The following GPHN variants were observed in gnomAD, a reference collection of about 807,000 sequenced individuals.
GPHN encodes the protein gephyrin.
In GPHN, 17 loss-of-function variants were observed where a neutral mutation model predicts 95.5. That is an observed-to-expected ratio of 0.18 (90% CI 0.12 to 0.27). The LOEUF (loss-of-function observed/expected upper bound fraction) is 0.27, where lower values mean the gene tolerates loss of function less well. Among genes scored for constraint, GPHN ranks in the 10% least tolerant of loss-of-function variants. GPHN has a pLI of 1.00. For missense variants in GPHN, 660 were observed against 978.1 expected (o/e 0.67, Z 4.34); for synonymous variants, 320 against 322.5 (o/e 0.99, Z 0.08).
chr14:66,966,182 G>A (rs2069312523), intron 9 of GPHN, among the ~76,000 whole-genome samples: 1 of 152,042 alleles, frequency 6.6e-6, no homozygotes, highest in South Asian at 2.1e-4. Flanking sequence ...TCAAATTATA[G>A]TTTTTTCTCT....
intron 5 of GPHN, among the ~76,000 whole-genome samples, chr14:66,895,796 G>A (rs1319628304): frequency 6.6e-6 from 1 of 152,146 alleles, no homozygotes; most frequent in Non-Finnish European, 1.5e-5. Flanking sequence ...AATCATCTCA[G>A]ATGGAGAGTT....
chr14:67,143,525 G>A (rs2080629162), intron 18 of GPHN, 76 bp downstream of exon 18: 3 of 918,834 alleles, frequency 3.3e-6, no homozygotes, highest in Admixed American at 3.4e-5. Context: ...TGGTCTGGTA[G>A]GCATCTGATA....
the GPHN span, chr14:67,386,106 G>A: frequency 6.6e-6 from 1 of 152,514 alleles, no homozygotes; most frequent in Admixed American, 6.5e-5. Context: ...GAGGCAGGAA[G>A]CCATCAAACT....
intron 2 of GPHN, among the ~76,000 whole-genome samples, chr14:66,722,081 TTTATTACTTTA>T (rs1167140158): frequency 1.3e-4 from 19 of 151,798 alleles, no homozygotes; most frequent in Admixed American, 1.2e-3. Flanking sequence ...ATAAGTATTG[TTTATTACTTTA>T]TTACTTATAA....
At chr14:67,249,063 A>G in the GPHN span, among the ~76,000 whole-genome samples, 1 of 151,998 alleles carries the variant, frequency 6.6e-6, no homozygotes, top group South Asian at 2.1e-4. Context: ...CCCGGGTTCA[A>G]GTTATTTTCC....
chr14:67,428,331 C>T, the GPHN span, among the ~76,000 whole-genome samples: 8 of 152,296 alleles, frequency 5.3e-5, no homozygotes, highest in East Asian at 3.9e-4. Context: ...CATGCAAGGA[C>T]GCCCTCGGTG....
the GPHN span, among the ~76,000 whole-genome samples, chr14:67,201,009 A>C: frequency 0.012 from 1,834 of 152,324 alleles, 19 homozygotes; most frequent in Non-Finnish European, 0.018. Context: ...AAAGAAAAAC[A>C]ATTAGGCTGG....
At position 66,508,343 on chromosome 14, in the gene GPHN, C is replaced by A. The variant is rs1226158066; in HGVS notation, c.-185C>A. On this transcript the variant is annotated 5_prime_UTR_variant, in exon 1 of 23. Transcript: ENST00000478722. ...CCCCTCCCGCGGACCCGCGCACTCC[C>A]GGCGCGGCCTCTCCCCCACGCAGGC... 5 of 639,880 alleles carry A rather than the reference C, an allele frequency of 7.8e-6. No individual in the cohort carries two copies. Among genetic ancestry groups the A allele is most frequent in the Non-Finnish European group, 1.4e-5 (5 of 357,970 alleles). 39.6% of individuals were successfully genotyped at this position (639,880 alleles called of 1,614,324 possible).
intron 3 of GPHN, among the ~76,000 whole-genome samples, chr14:66,776,760 T>C (rs1052615162): frequency 6.6e-6 from 1 of 152,186 alleles, no homozygotes; most frequent in East Asian, 1.9e-4. Context: ...CTTTCCTGTG[T>C]AGTTCATTAA....
At chr14:66,926,309 C>A (rs2066479317) in intron 8 of GPHN, among the ~76,000 whole-genome samples, 1 of 152,124 alleles carries the variant, frequency 6.6e-6, no homozygotes, top group Admixed American at 6.6e-5. Flanking sequence ...CTCAAGAAAT[C>A]TTTGCCCAGT....
intron 1 of GPHN, among the ~76,000 whole-genome samples, chr14:66,641,073 T>A (rs1397529498): frequency 6.6e-6 from 1 of 152,172 alleles, no homozygotes; most frequent in Non-Finnish European, 1.5e-5. Flanking sequence ...GTCCTAACAC[T>A]GAAAGGCAAA....
chr14:66,844,850 ACT>A (rs2062251790), intron 4 of GPHN, among the ~76,000 whole-genome samples: 1 of 151,866 alleles, frequency 6.6e-6, no homozygotes, highest in Admixed American at 6.6e-5. Context: ...CCATTTAGAA[ACT>A]CTGTACCCAT....
chr14:67,436,722 C>T, the GPHN span, among the ~76,000 whole-genome samples: 2 of 152,170 alleles, frequency 1.3e-5, no homozygotes, highest in Non-Finnish European at 2.9e-5. Flanking sequence ...CAGTGAGCTG[C>T]CCTCTGGAGG....
At chr14:66,724,834 C>T (rs1399829864) in intron 2 of GPHN, among the ~76,000 whole-genome samples, 1 of 152,192 alleles carries the variant, frequency 6.6e-6, no homozygotes, top group African/African-American at 2.4e-5. Context: ...CTCACCCTAT[C>T]ATATTAAAAA....
chr14:66,952,734 G>T (rs569559750), intron 8 of GPHN, among the ~76,000 whole-genome samples: 4 of 151,834 alleles, frequency 2.6e-5, no homozygotes, highest in African/African-American at 9.7e-5. Flanking sequence ...TCGCACTATC[G>T]CCCAGGCTGG....
the GPHN span, among the ~76,000 whole-genome samples, chr14:67,319,694 C>T: frequency 2.0e-5 from 3 of 152,082 alleles, no homozygotes; most frequent in South Asian, 2.1e-4. Context: ...CATTCAAAGC[C>T]GTCCTGGGCT....
intron 5 of GPHN, among the ~76,000 whole-genome samples, chr14:66,911,547 T>C (rs2065675022): frequency 6.6e-6 from 1 of 151,994 alleles, no homozygotes; most frequent in Non-Finnish European, 1.5e-5. Context: ...TCTTTGAAAG[T>C]ATCAGTGATA....
chr14:66,904,697 G>A (rs926892757), intron 5 of GPHN, among the ~76,000 whole-genome samples: 2 of 152,142 alleles, frequency 1.3e-5, no homozygotes, highest in Non-Finnish European at 2.9e-5. Flanking sequence ...CTGGAAAGGG[G>A]CACAGAAGGG....
intron 5 of GPHN, among the ~76,000 whole-genome samples, chr14:66,894,712 C>G (rs2064734548): frequency 6.6e-6 from 1 of 152,178 alleles, no homozygotes; most frequent in South Asian, 2.1e-4. Flanking sequence ...TGAACAGACA[C>G]TTCTCAAAAG....
Sources: allele counts gnomAD v4.1 joint callset (sites outside exome capture counted in the v4.1 genomes callset), GRCh38; gene constraint gnomAD v4.1.1; transcripts MANE v1.5; gene names NCBI Gene and HGNC (gene_info 2026-07-23, HGNC 2026-07-21).